The following PCDH15 variants were observed in gnomAD, a reference collection of about 807,000 sequenced individuals.
PCDH15 encodes the protein protocadherin related 15, also known as protocadherin-15.
Under a neutral mutation model 178.5 loss-of-function variants are expected in PCDH15, and 129 were observed. The observed-to-expected ratio is 0.72, with a 90% CI of 0.63 to 0.84. PCDH15 has a LOEUF of 0.84. PCDH15 is among the 40% of genes least tolerant of loss of function. The pLI, the probability that PCDH15 is intolerant of heterozygous loss-of-function variation, is 0.00. For missense variants in PCDH15, 2,230 were observed against 2,099.9 expected (o/e 1.06, Z -1.21); for synonymous variants, 800 against 732.0 (o/e 1.09, Z -1.50).
At chr10:55,311,384 C>T (rs1051331392) in intron 1 of PCDH15, among the ~76,000 whole-genome samples, 3 of 152,150 alleles carry the variant, frequency 2.0e-5, no homozygotes, top group African/African-American at 7.2e-5. Context: ...TTCAAGAGTG[C>T]CTCCATAGCG....
intron 21 of PCDH15, among the ~76,000 whole-genome samples, chr10:53,991,984 G>T (rs185220692): frequency 6.6e-5 from 10 of 152,044 alleles, no homozygotes; most frequent in African/African-American, 2.2e-4. Context: ...CTGTGGAAGC[G>T]TTGTTCTTTT....
chr10:53,967,712 C>G (rs1252924901), intron 21 of PCDH15, among the ~76,000 whole-genome samples: 1 of 152,020 alleles, frequency 6.6e-6, no homozygotes, highest in Admixed American at 6.5e-5. Context: ...TTAAAGTAAA[C>G]TATAGAAAAC....
At chr10:54,139,746 T>C (rs1249925330) in intron 14 of PCDH15, among the ~76,000 whole-genome samples, 5 of 152,054 alleles carry the variant, frequency 3.3e-5, no homozygotes, top group African/African-American at 9.7e-5. Context: ...GGGCTTGAAA[T>C]GGTTAGTTAT....
At chr10:55,474,254 G>T (rs1234200652) in intron 2 of PCDH15, among the ~76,000 whole-genome samples, 8 of 152,228 alleles carry the variant, frequency 5.3e-5, no homozygotes, top group Non-Finnish European at 8.8e-5. Context: ...TATTTCAGGA[G>T]GTCAGAGATC....
intron 2 of PCDH15, among the ~76,000 whole-genome samples, chr10:55,480,083 T>G (rs1039459421): frequency 5.3e-5 from 8 of 151,696 alleles, no homozygotes; most frequent in African/African-American, 1.9e-4. Flanking sequence ...TATAAATTGC[T>G]TTGGGTAGTA....
At chr10:54,543,759 C>A (rs1303881366) in intron 2 of PCDH15, among the ~76,000 whole-genome samples, 2 of 152,094 alleles carry the variant, frequency 1.3e-5, no homozygotes, top group Non-Finnish European at 2.9e-5. Flanking sequence ...GTTGAAACTG[C>A]CTATTCTAAC....
At chr10:54,359,446 T>G (rs1352264507) in intron 5 of PCDH15, among the ~76,000 whole-genome samples, 2 of 152,058 alleles carry the variant, frequency 1.3e-5, no homozygotes, top group African/African-American at 4.8e-5. Flanking sequence ...ATCACTTAGG[T>G]CTAAATTGTT....
At chr10:55,373,047 C>T (rs1845544565) in intron 2 of PCDH15, among the ~76,000 whole-genome samples, 1 of 151,600 alleles carries the variant, frequency 6.6e-6, no homozygotes, top group African/African-American at 2.4e-5. Flanking sequence ...AATGACTGAC[C>T]TGAAAGAATT....
At chr10:55,597,096 G>A (rs1842950373) in intron 2 of PCDH15, 2 of 152,072 alleles carry the variant, frequency 1.3e-5, no homozygotes, top group Non-Finnish European at 2.9e-5. Flanking sequence ...TTTAATTTTC[G>A]AGATGCTGCC....
intron 2 of PCDH15, among the ~76,000 whole-genome samples, chr10:55,094,392 G>C (rs542572900): frequency 6.6e-6 from 1 of 152,104 alleles, no homozygotes; most frequent in South Asian, 2.1e-4. Context: ...GGCCTGTTGT[G>C]GGGTAGGGGG....
chr10:53,948,850 T>C (rs2086785639), intron 23 of PCDH15, among the ~76,000 whole-genome samples: 1 of 152,218 alleles, frequency 6.6e-6, no homozygotes, highest in African/African-American at 2.4e-5. Flanking sequence ...CTCATCACCA[T>C]AGGACTCCAT....
chr10:53,894,240 T>C (rs180731864), intron 26 of PCDH15, among the ~76,000 whole-genome samples: 1 of 152,246 alleles, frequency 6.6e-6, no homozygotes, highest in East Asian at 1.9e-4. Context: ...ACTAGACATA[T>C]AGTGATTCAG....
At chr10:54,486,798 T>G (rs947115307) in intron 3 of PCDH15, among the ~76,000 whole-genome samples, 1 of 152,116 alleles carries the variant, frequency 6.6e-6, no homozygotes, top group Admixed American at 6.6e-5. Flanking sequence ...GAAAGCATCT[T>G]TGGGGGAACA....
chr10:54,225,099 C>T (rs1292751242), intron 9 of PCDH15, among the ~76,000 whole-genome samples: 1 of 152,008 alleles, frequency 6.6e-6, no homozygotes. Flanking sequence ...GTTGCTTTTC[C>T]TATGCATATT....
intron 2 of PCDH15, among the ~76,000 whole-genome samples, chr10:55,433,158 T>C (rs963142400): frequency 3.3e-5 from 5 of 152,216 alleles, no homozygotes; most frequent in African/African-American, 1.2e-4. Flanking sequence ...CATATATTCA[T>C]TGCAGTACTA....
intron 3 of PCDH15, among the ~76,000 whole-genome samples, chr10:54,879,489 T>C (rs910726887): frequency 6.6e-6 from 1 of 152,026 alleles, no homozygotes; most frequent in African/African-American, 2.4e-5. Context: ...CTAAGAGCTA[T>C]CTGGTTCTTA....
At chr10:54,232,663 T>C (rs778366878) in intron 9 of PCDH15, among the ~76,000 whole-genome samples, 3 of 151,890 alleles carry the variant, frequency 2.0e-5, no homozygotes, top group Non-Finnish European at 2.9e-5. Flanking sequence ...CTAGTTGGCA[T>C]AAATTGTATA....
chr10:53,875,934 G>T (rs1371508790), intron 26 of PCDH15, among the ~76,000 whole-genome samples: 1 of 152,034 alleles, frequency 6.6e-6, no homozygotes, highest in African/African-American at 2.4e-5. Flanking sequence ...GATGTCCTAA[G>T]AACTTTCAAA....
intron 2 of PCDH15, among the ~76,000 whole-genome samples, chr10:54,603,198 C>G (rs984115079): frequency 2.0e-5 from 3 of 151,830 alleles, no homozygotes; most frequent in African/African-American, 7.3e-5. Context: ...CTTAAGGGCT[C>G]TTTTTATTTC....
Sources: allele counts gnomAD v4.1 joint callset (sites outside exome capture counted in the v4.1 genomes callset), GRCh38; gene constraint gnomAD v4.1.1; transcripts MANE v1.5; gene names NCBI Gene and HGNC (gene_info 2026-07-23, HGNC 2026-07-21).